The following INF2 variants were observed in gnomAD, a reference collection of about 807,000 sequenced individuals.
INF2 encodes inverted formin 2.
INF2 carries 43 observed loss-of-function variants against 123.5 expected under a neutral mutation model. The ratio of observed to expected loss-of-function variants is 0.35; its 90% confidence interval spans 0.27 to 0.45. INF2 has a LOEUF of 0.45. INF2 is among the 20% of genes least tolerant of loss of function. The pLI is 1.00. For synonymous variants in INF2, 851 were observed against 745.0 expected (o/e 1.14, Z -2.32); for missense variants, 1,453 against 1,682.7 (o/e 0.86, Z 2.39).
rs1306491940 is a variant in INF2, at chr14:104,708,507, G to C, written c.1807G>C (p.Glu603Gln). The C allele has an allele frequency of 6.2e-7, 1 of 1,612,324 alleles. No individual in the cohort carries two copies. The highest frequency in any genetic ancestry group is 1.3e-5 in the African/African-American group (1 of 74,892). Residue 603 changes from glutamate to glutamine, a missense_variant, in exon 9 of 23, where the codon GAG becomes CAG. Glu to Gln is a conservative substitution (Grantham distance 29). This residue lies in a region of INF2 where 192 missense variants were observed against 274.4 expected (regional missense o/e 0.70). Coordinates refer to ENST00000392634, the MANE Select transcript of INF2 (RefSeq NM_022489.4). ...TGTGGAGCCCGACTTCTCCAGCATCGAGCGACTATTCTCCTTCCCTGCAGC... is the reference window on the plus strand; with the variant it reads ...TGTGGAGCCCGACTTCTCCAGCATCCAGCGACTATTCTCCTTCCCTGCAGC... Reference protein sequence around the residue: ...EAVEPDFSSIERLFSFPAAKP... With the variant: ...EAVEPDFSSIQRLFSFPAAKP...
At chr14:104,706,598 A>G (rs1889791182) in intron 6 of INF2, among the ~76,000 whole-genome samples, 1 of 152,114 alleles carries the variant, frequency 6.6e-6, no homozygotes, top group Admixed American at 6.5e-5. Context: ...TGAACCTTGC[A>G]GCTCTCATCT....
At position 104,684,229 on chromosome 14, in the gene INF2, C is replaced by T. The variant is rs564639079; in HGVS notation, c.-104+2647C>T. The T allele has an allele frequency of 2.3e-6, 1 of 440,464 alleles. No individual in the cohort carries two copies. Among genetic ancestry groups the T allele is most frequent in the Non-Finnish European group, 4.6e-6 (1 of 217,470 alleles). 27.3% of individuals were successfully genotyped at this position (440,464 alleles called of 1,614,324 possible). A position where few individuals can be genotyped will look rare whatever the true frequency, so the allele number is the denominator to read the frequency against. The stretch of plus-strand genomic sequence containing the variant: ...ACAACTGAGGCAACCGAGAAGGAGG[C>T]TGGGGAGGGACAGCTCGAGGGCTCA... On this transcript the variant is annotated intron_variant, in intron 1 of 2. Transcript: ENST00000674723. The surrounding 1 kb of genome is among the most constrained non-coding windows in gnomAD (Gnocchi z 5.0).
Position 104,703,931 on chromosome 14 carries a change from A to T in INF2, c.683A>T (p.Asp228Val). Residue 228 changes from aspartate to valine, a missense_variant, in exon 5 of 23, where the codon GAC (aspartate) becomes GTC (valine). By Grantham distance (152) the Asp-to-Val change is radical. Transcript: ENST00000392634. Reference sequence around the variant, plus strand: ...CCCTTCCCAGGGCTGCAGCTGCTGGACGTCCTGGCTCGCCTGCGGTGAGTC... The same window carrying T: ...CCCTTCCCAGGGCTGCAGCTGCTGGTCGTCCTGGCTCGCCTGCGGTGAGTC... Reference protein sequence around the residue: ...RNEFIGLQLLDVLARLRDLED... With the variant: ...RNEFIGLQLLVVLARLRDLED... 1 of 1,611,018 alleles carries T rather than the reference A, an allele frequency of 6.2e-7. No homozygotes were observed. The highest frequency in any genetic ancestry group is 8.5e-7 in the Non-Finnish European group (1 of 1,179,968).
intron 22 of INF2, 124 bp from the exon 23 acceptor site, chr14:104,718,671 C>T (rs1294867690): frequency 1.3e-6 from 2 of 1,518,690 alleles, no homozygotes; most frequent in Non-Finnish European, 1.8e-6. Context: ...ACCTGCGATG[C>T]ATGGCACAAC....
chr14:104,707,508 T>C lies in INF2; in HGVS notation c.1241T>C (p.Leu414Pro), dbSNP rs1889835142. The change falls in exon 8 of 23, where the codon CTG becomes CCG. Residue 414 changes from leucine (L) to proline (P), a missense_variant. Coordinates refer to ENST00000392634, the MANE Select transcript of INF2 (RefSeq NM_022489.4). ...SILKVSQPRA[L>P]EQQASTPPPP... Reference sequence around the variant, plus strand: ...CTGAAAGTTTCGCAGCCCAGAGCCCTGGAGCAGCAGGCGTCCACCCCACCC... The same window carrying C: ...CTGAAAGTTTCGCAGCCCAGAGCCCCGGAGCAGCAGGCGTCCACCCCACCC... The C allele has an allele frequency of 6.5e-7, 1 of 1,546,970 alleles. No individual in the cohort carries two copies. The highest frequency in any genetic ancestry group is 2.0e-5 in the Admixed American group (1 of 50,948).
At position 104,718,916 on chromosome 14, in the gene INF2, T is replaced by C; in HGVS notation, c.*123T>C. On this transcript the variant is annotated 3_prime_UTR_variant, in exon 23 of 23. Transcript: ENST00000392634. ...CTGGGCCCCGGAAACCAAAACTCCG[T>C]GCCTTACCCAGCCGGGGCCCTCCTG... 6.6e-7 allele frequency: 1 copy of C among 1,524,232 alleles called. No individual in the cohort carries two copies. The highest frequency in any genetic ancestry group is 8.7e-7 in the Non-Finnish European group (1 of 1,143,760). 94.4% of individuals were successfully genotyped at this position (1,524,232 alleles called of 1,614,324 possible).
chr14:104,685,584 A>ATGAAAGGG (rs1405212167), upstream of INF2, among the ~76,000 whole-genome samples: 1 of 75,592 alleles, frequency 1.3e-5, no homozygotes, highest in African/African-American at 5.4e-5. Flanking sequence ...GGATGGGTGG[A>ATGAAAGGG]TGAAAGGGTG....
intron 15 of INF2, among the ~76,000 whole-genome samples, 187 bp from the exon 16 acceptor site, chr14:104,711,442 G>T (rs1329117655): frequency 6.6e-6 from 1 of 152,212 alleles, no homozygotes; most frequent in African/African-American, 2.4e-5. Context: ...CTGGGGGACA[G>T]TCCCTAGGAA....
At position 104,714,242 on chromosome 14, in the gene INF2, C is replaced by T. The variant is rs760488958; in HGVS notation, c.3080C>T (p.Thr1027Met). Reference sequence around the variant, plus strand: ...CCTGCAGGAGATCCCGTGGGCAGCACGCGCTGTCCCGCCTCTGAGCCCGGC... The same window carrying T: ...CCTGCAGGAGATCCCGTGGGCAGCATGCGCTGTCCCGCCTCTGAGCCCGGC... ...SNPAGDPVGSTRCPASEPGLD... is the reference protein window; with the variant it reads ...SNPAGDPVGSMRCPASEPGLD... The change falls in exon 21 of 23, where the codon ACG becomes ATG. Residue 1027 changes from threonine (T) to methionine (M), a missense_variant. Physicochemically the swap from Thr to Met is moderately conservative, Grantham distance 81 (BLOSUM62 -1). Around this residue, in one of 8 missense-constraint regions of INF2, gnomAD observed 344 missense variants for 333.1 expected, o/e 1.03. Transcript: ENST00000392634. 31 of 1,572,732 alleles carry T rather than the reference C, an allele frequency of 2.0e-5. No homozygotes were observed. The highest frequency in any genetic ancestry group is 7.0e-5 in the East Asian group (3 of 42,874).
intron 22 of INF2, chr14:104,715,766 G>T (rs1391018559): frequency 2.0e-6 from 1 of 488,220 alleles, no homozygotes; most frequent in South Asian, 1.5e-5. Flanking sequence ...TGCTCTGTCT[G>T]TTGGTGGAGG....
intron 1 of INF2, among the ~76,000 whole-genome samples, chr14:104,682,765 C>G (rs1888556724): frequency 1.3e-5 from 2 of 152,142 alleles, no homozygotes. Flanking sequence ...AAGCCCTCAC[C>G]TAGGGGAAGG....
At chr14:104,696,193 A>G (rs1889181481) in intron 1 of INF2, among the ~76,000 whole-genome samples, 1 of 152,172 alleles carries the variant, frequency 6.6e-6, no homozygotes, top group South Asian at 2.1e-4. Flanking sequence ...GGGTCCTCAC[A>G]GTGGCCCGGG....
intron 1 of INF2, among the ~76,000 whole-genome samples, chr14:104,695,541 C>T (rs1249879851): frequency 3.8e-5 from 5 of 132,326 alleles, no homozygotes; most frequent in Middle Eastern, 3.8e-3. Context: ...GTGGGGCCTC[C>T]GCCCTTCCTG....
At chr14:104,702,701 T>C (rs915748483) in intron 2 of INF2, among the ~76,000 whole-genome samples, 1 of 152,244 alleles carries the variant, frequency 6.6e-6, no homozygotes, top group Non-Finnish European at 1.5e-5. Context: ...ATGGAGTCTT[T>C]TGTGAATTGT....
At position 104,708,443 on chromosome 14, in the gene INF2, C is replaced by T. The variant is rs1566782387; in HGVS notation, c.1743C>T (p.Asn581=). Residue 581 remains asparagine, a synonymous_variant, in exon 9 of 23, where the codon AAC becomes AAT. Coordinates refer to ENST00000392634, the MANE Select transcript of INF2 (RefSeq NM_022489.4). ...KLPSNVAREH[N]SMWASLSSPD... is the part of the protein sequence containing the mutation. ...CGTGTCCCCACCCGACAGAGCACAA[C>T]TCTATGTGGGCGTCCCTGAGCAGCC... 1 of 1,612,096 alleles carries T rather than the reference C, an allele frequency of 6.2e-7. No individual in the cohort carries two copies. Among genetic ancestry groups the T allele is most frequent in the Admixed American group, 1.7e-5 (1 of 60,022 alleles).
chr14:104,682,025 G>T (rs1888535845), intron 1 of INF2, among the ~76,000 whole-genome samples: 2 of 152,192 alleles, frequency 1.3e-5, no homozygotes, highest in Non-Finnish European at 2.9e-5. Flanking sequence ...AGTTCCCTGG[G>T]GTGGGGGTCC....
chr14:104,715,789 C>CGA, intron 22 of INF2: 2 of 473,162 alleles, frequency 4.2e-6, no homozygotes, highest in Non-Finnish European at 8.4e-6. Flanking sequence ...TATCTTCACT[C>CGA]TAAGTGTGTC....
chr14:104,699,040 G>A lies in INF2; in HGVS notation c.-9-2317G>A, dbSNP rs1889341025. ...TCCTCTTGACTGGGGTCTTTCAGGG[G>A]CTTGCACAGGGCAAGGAGCGCTGGG... is the stretch of plus-strand genomic sequence containing the variant. On this transcript the variant is annotated intron_variant, in intron 1 of 22. Transcript: ENST00000392634. This position sits in a 1 kb window ranked among gnomAD's most constrained non-coding sequence, Gnocchi z 4.7. 6.6e-6 allele frequency among the ~76,000 whole-genome samples: 1 copy of A among 152,160 alleles called. No homozygotes were observed. The highest frequency in any genetic ancestry group is 2.1e-4 in the South Asian group (1 of 4,828).
At position 104,712,962 on chromosome 14, in the gene INF2, T is replaced by G; in HGVS notation, c.2745T>G (p.Ala915=). The part of the protein sequence containing the change: ...SLEDTFSTMK[A]FRDLFLRALK... ...AGGACACGTTCAGCACCATGAAGGC[T>G]TTCCGGGACCTTTTCCTCCGCGCCC... is the stretch of plus-strand genomic sequence containing the variant. The change falls in exon 18 of 23, where the codon GCT becomes GCG. Residue 915 remains alanine (A), a synonymous_variant. Coordinates refer to ENST00000392634, the MANE Select transcript of INF2 (RefSeq NM_022489.4). The G allele has an allele frequency of 6.2e-7, 1 of 1,612,650 alleles. No homozygotes were observed. The highest frequency in any genetic ancestry group is 2.2e-5 in the East Asian group (1 of 44,878).
Sources: gnomAD v4.1 joint callset for allele counts (sites outside exome capture counted in the v4.1 genomes callset) on GRCh38, gnomAD v4.1.1 for gene constraint, gnomAD v4.1.1 regional missense constraint, Gnocchi (gnomAD v3.1) non-coding constraint, MANE v1.5 for transcripts, NCBI Gene and HGNC (gene_info 2026-07-23, HGNC 2026-07-21) for gene names.